The following SSBP2 variants were observed in gnomAD, a reference collection of about 807,000 sequenced individuals.
SSBP2 encodes single stranded DNA binding protein 2.
Under a neutral mutation model 61.8 loss-of-function variants are expected in SSBP2, and 17 were observed. The ratio of observed to expected loss-of-function variants is 0.28; its 90% CI spans 0.19 to 0.41. The LOEUF is 0.41. Ranked by LOEUF, SSBP2 falls within the 10% of genes least tolerant of loss-of-function variation. The pLI is 1.00. For synonymous variants in SSBP2, 139 were observed against 141.3 expected (o/e 0.98, Z 0.12); for missense variants, 310 against 458.7 (o/e 0.68, Z 2.96).
At chr5:81,501,719 C>T (rs550191892) in intron 5 of SSBP2, among the ~76,000 whole-genome samples, 2 of 151,836 alleles carry the variant, frequency 1.3e-5, no homozygotes, top group African/African-American at 2.4e-5. Context: ...CCCACCACCA[C>T]GCCCGGCTAA....
At chr5:81,655,357 A>G (rs78300677) in intron 1 of SSBP2, among the ~76,000 whole-genome samples, 231 of 152,318 alleles carry the variant, frequency 1.5e-3, no homozygotes, top group South Asian at 9.3e-3. Context: ...TGTGATCTAA[A>G]TACATAGAAA....
intron 4 of SSBP2, among the ~76,000 whole-genome samples, chr5:81,579,778 G>A (rs1310016096): frequency 6.6e-6 from 1 of 152,072 alleles, no homozygotes; most frequent in Non-Finnish European, 1.5e-5. Flanking sequence ...ATACTACCTA[G>A]TGAATGAGTA....
At chr5:81,510,328 A>G (rs551511032) in intron 5 of SSBP2, among the ~76,000 whole-genome samples, 33 of 152,324 alleles carry the variant, frequency 2.2e-4, no homozygotes, top group Non-Finnish European at 3.8e-4. Context: ...ACATCTGCCC[A>G]GATTAGAGCC....
intron 6 of SSBP2, among the ~76,000 whole-genome samples, chr5:81,478,718 G>A (rs1161835600): frequency 6.6e-6 from 1 of 152,102 alleles, no homozygotes; most frequent in East Asian, 1.9e-4. Context: ...TGATCCTCCT[G>A]CCTTGGCTTC....
chr5:81,674,135 G>A (rs571340308), intron 1 of SSBP2, among the ~76,000 whole-genome samples: 1 of 152,262 alleles, frequency 6.6e-6, no homozygotes, highest in East Asian at 1.9e-4. Context: ...AATTCCTGAA[G>A]CTTAGTCTAC....
chr5:81,705,242 T>C (rs1299714862), intron 1 of SSBP2, among the ~76,000 whole-genome samples: 2 of 152,106 alleles, frequency 1.3e-5, no homozygotes, highest in Non-Finnish European at 2.9e-5. Flanking sequence ...AAAATATGTT[T>C]AACAAATTTT....
chr5:81,644,305 A>C lies in SSBP2; in HGVS notation c.135+5962T>G, dbSNP rs142600636. On this transcript the variant is annotated intron_variant, in intron 2 of 16. Coordinates refer to ENST00000320672, the MANE Select transcript of SSBP2 (RefSeq NM_012446.5). ...TATTTTTTTGACACAGAAAGACAGA[A>C]GCCACTAGGAATGGTGCAAAAGGAA... 5.1e-3 allele frequency among the ~76,000 whole-genome samples: 784 copies of C among 152,318 alleles called. 10 individuals carry two copies. Among genetic ancestry groups the C allele is most frequent in the African/African-American group, 0.018 (763 of 41,570 alleles).
chr5:81,530,083 T>C (rs537883530), intron 4 of SSBP2, among the ~76,000 whole-genome samples: 2 of 152,064 alleles, frequency 1.3e-5, no homozygotes, highest in African/African-American at 4.8e-5. Context: ...AAGCCGGGTT[T>C]CAGACAATGT....
At chr5:81,475,316 A>T (rs1438152218) in intron 6 of SSBP2, among the ~76,000 whole-genome samples, 2 of 152,170 alleles carry the variant, frequency 1.3e-5, no homozygotes, top group African/African-American at 4.8e-5. Flanking sequence ...TTAAAGCATG[A>T]AAGTTATATC....
intron 1 of SSBP2, among the ~76,000 whole-genome samples, chr5:81,659,946 C>T (rs1008315472): frequency 3.9e-5 from 6 of 152,000 alleles, no homozygotes; most frequent in African/African-American, 1.2e-4. Context: ...AAAAATGGTG[C>T]TGGAAAAATT....
chr5:81,614,806 T>C (rs970625216), intron 4 of SSBP2, among the ~76,000 whole-genome samples: 1 of 151,962 alleles, frequency 6.6e-6, no homozygotes. Context: ...ATCTTCACTG[T>C]TTTTTTTCTT....
chr5:81,484,844 T>C (rs1766264752), intron 6 of SSBP2, among the ~76,000 whole-genome samples: 1 of 152,204 alleles, frequency 6.6e-6, no homozygotes, highest in Admixed American at 6.6e-5. Flanking sequence ...GTTTGTAGAA[T>C]ACCAAATTCA....
At chr5:81,521,119 G>GA (rs1452817168) in intron 4 of SSBP2, among the ~76,000 whole-genome samples, 3 of 151,356 alleles carry the variant, frequency 2.0e-5, no homozygotes, top group Admixed American at 6.6e-5. Flanking sequence ...TTTAAAATCA[G>GA]AAAAAAAACT....
intron 3 of SSBP2, 48 bp from the exon 4 acceptor site, chr5:81,615,605 A>G: frequency 2.5e-6 from 3 of 1,215,302 alleles, no homozygotes; most frequent in Non-Finnish European, 3.6e-6. Flanking sequence ...CAACACCAAT[A>G]TGAGAAATCA....
intron 4 of SSBP2, among the ~76,000 whole-genome samples, chr5:81,557,284 G>A (rs901941329): frequency 6.6e-6 from 1 of 152,068 alleles, no homozygotes; most frequent in Non-Finnish European, 1.5e-5. Context: ...TTAGCCACTG[G>A]TTTTGAACAA....
intron 4 of SSBP2, among the ~76,000 whole-genome samples, chr5:81,551,246 C>A (rs530800965): frequency 2.6e-5 from 4 of 151,782 alleles, no homozygotes; most frequent in Non-Finnish European, 5.9e-5. Flanking sequence ...ACTAAAAATA[C>A]ATTTGGTTTT....
chr5:81,515,910 A>G (rs1004117241), intron 4 of SSBP2, among the ~76,000 whole-genome samples: 1 of 151,922 alleles, frequency 6.6e-6, no homozygotes. Context: ...AATAAATTCA[A>G]TAAGAATACT....
chr5:81,622,389 A>C (rs1023420308), intron 3 of SSBP2, among the ~76,000 whole-genome samples: 3 of 152,216 alleles, frequency 2.0e-5, no homozygotes, highest in Admixed American at 6.5e-5. Flanking sequence ...CACCTATAAA[A>C]GTGGAAGGTA....
intron 1 of SSBP2, among the ~76,000 whole-genome samples, chr5:81,697,070 G>A (rs1376592769): frequency 6.6e-6 from 1 of 152,276 alleles, no homozygotes; most frequent in East Asian, 1.9e-4. Flanking sequence ...TATCCTTCAA[G>A]CAATATGAGA....
Sources: allele counts gnomAD v4.1 joint callset (sites outside exome capture counted in the v4.1 genomes callset), GRCh38; gene constraint gnomAD v4.1.1; transcripts MANE v1.5; gene names NCBI Gene and HGNC (gene_info 2026-07-23, HGNC 2026-07-21).